Variants in SCN11A observed in about 807,000 individuals in gnomAD.
The protein encoded by SCN11A is sodium voltage-gated channel alpha subunit 11, also known as sodium channel protein type 11 subunit alpha.
SCN11A carries 122 observed loss-of-function variants against 162.2 expected under a neutral mutation model. The observed-to-expected ratio is 0.75, with a 90% CI of 0.65 to 0.87. The LOEUF (loss-of-function observed/expected upper bound fraction) is 0.87. Among genes scored for constraint, SCN11A ranks in the 40% least tolerant of loss-of-function variants. The pLI is 0.00. For missense variants in SCN11A, 2,015 were observed against 2,181.6 expected, an observed-to-expected ratio of 0.92 and a Z score of 1.52; for synonymous variants, 758 against 751.5, an observed-to-expected ratio of 1.01 and a Z score of -0.14.
At chr3:38,895,022 T>A in intron 18 of SCN11A, 58 bp from the exon 19 acceptor site, 1 of 1,488,814 alleles carries the variant, frequency 6.7e-7, no homozygotes, top group Non-Finnish European at 9.0e-7. Context: ...AAAGATATAG[T>A]GGGTTTCCAG....
intron 1 of SCN11A, among the ~76,000 whole-genome samples, chr3:39,048,152 T>C (rs970085609): frequency 6.6e-6 from 1 of 152,224 alleles, no homozygotes; most frequent in Non-Finnish European, 1.5e-5. Flanking sequence ...AAAGAAAATG[T>C]GGTACATATA....
intron 2 of SCN11A, among the ~76,000 whole-genome samples, chr3:38,973,803 G>A (rs1238496945): frequency 6.6e-6 from 1 of 152,100 alleles, no homozygotes; most frequent in African/African-American, 2.4e-5. Flanking sequence ...GAAAGCCTGG[G>A]GACCATCTAA....
At chr3:39,004,346 T>C (rs2030905171) in intron 2 of SCN11A, among the ~76,000 whole-genome samples, 2 of 152,178 alleles carry the variant, frequency 1.3e-5, no homozygotes. Flanking sequence ...TGCGGCCTTA[T>C]TTCTGGGCTC....
intron 29 of SCN11A, among the ~76,000 whole-genome samples, chr3:38,848,744 C>T (rs761834591): frequency 9.2e-5 from 14 of 152,184 alleles, no homozygotes; most frequent in Non-Finnish European, 1.5e-4. Flanking sequence ...TTCTGCTTTG[C>T]ACCATGTGAT....
chr3:39,044,285 A>T (rs914112038), intron 1 of SCN11A, among the ~76,000 whole-genome samples: 14 of 152,210 alleles, frequency 9.2e-5, no homozygotes, highest in African/African-American at 3.4e-4. Flanking sequence ...ATCAACCAAG[A>T]AACATCAGAT....
chr3:38,987,271 A>T (rs2030280662), intron 2 of SCN11A, among the ~76,000 whole-genome samples: 1 of 137,178 alleles, frequency 7.3e-6, no homozygotes, highest in African/African-American at 2.8e-5. Context: ...TCTCCCTCCC[A>T]GTGCCTTTCT....
At chr3:38,930,054 C>T (rs72855732) in intron 7 of SCN11A, among the ~76,000 whole-genome samples, 2,705 of 152,162 alleles carry the variant, frequency 0.018, 77 homozygotes, top group African/African-American at 0.06. Context: ...AAAAAAATCT[C>T]GTATCTTTTG....
At chr3:38,849,257 CTTTTTTTTTT>C (rs55781629) in intron 29 of SCN11A, 167 of 69,858 alleles carry the variant, frequency 2.4e-3, no homozygotes, top group Non-Finnish European at 2.4e-3. Context: ...TTTTCTAGCC[CTTTTTTTTTT>C]TTTTTTTTTT....
At chr3:38,912,695 T>C (rs1559527465) in intron 11 of SCN11A, among the ~76,000 whole-genome samples, 1 of 152,208 alleles carries the variant, frequency 6.6e-6, no homozygotes, top group Non-Finnish European at 1.5e-5. Context: ...GTTCTCATCA[T>C]TTAACTCCCA....
At position 38,848,925 on chromosome 3, in the gene SCN11A, T is replaced by TG. The variant is rs761788134; in HGVS notation, c.4328-1184dup. Among the ~76,000 whole-genome samples the TG allele has an allele frequency of 9.2e-5, 14 of 152,326 alleles. No individual in the cohort carries two copies. The South Asian group carries it at 2.5e-3, about 27-fold the overall frequency. On this transcript the variant is annotated intron_variant, in intron 29 of 29. Coordinates refer to ENST00000302328, the MANE Select transcript of SCN11A (RefSeq NM_001349253.2). ...TGGAAAAGTACTGAGGCTAAAGCGT[T>TG]GGACGGCAGAAATATTGGCAAAGGC...
intron 11 of SCN11A, among the ~76,000 whole-genome samples, chr3:38,918,973 C>T (rs1478604092): frequency 2.6e-5 from 4 of 152,086 alleles, no homozygotes; most frequent in Admixed American, 6.6e-5. Flanking sequence ...GCCTACTACA[C>T]ACCTAGACTA....
At chr3:38,866,929 G>C (rs890923950) in intron 27 of SCN11A, among the ~76,000 whole-genome samples, 5 of 152,178 alleles carry the variant, frequency 3.3e-5, no homozygotes, top group African/African-American at 1.2e-4. Flanking sequence ...AGGAAAAGGA[G>C]AGTATATTAG....
chr3:38,872,821 G>A (rs1559499147), intron 23 of SCN11A, among the ~76,000 whole-genome samples: 2 of 152,014 alleles, frequency 1.3e-5, no homozygotes, highest in Admixed American at 6.6e-5. Context: ...GAAAAAAAGA[G>A]AGAAAAAAAT....
At chr3:38,858,465 C>T (rs1210500068) in intron 28 of SCN11A, among the ~76,000 whole-genome samples, 2 of 152,060 alleles carry the variant, frequency 1.3e-5, no homozygotes, top group African/African-American at 4.8e-5. Context: ...AACAGGAAAA[C>T]ATCACAGTCC....
chr3:38,906,075 T>C (rs537860512), intron 14 of SCN11A, among the ~76,000 whole-genome samples: 1 of 152,292 alleles, frequency 6.6e-6, no homozygotes, highest in Admixed American at 6.5e-5. Flanking sequence ...TCTCTCCCTA[T>C]TACTACAGCA....
Position 38,908,033 on chromosome 3 carries a change from A to T in SCN11A, c.1389T>A (p.Asn463Lys), listed in dbSNP as rs745401683. 3.1e-6 allele frequency: 5 copies of T among 1,613,556 alleles called. No individual in the cohort carries two copies. The African/African-American group carries it at 6.7e-5, about 22-fold the overall frequency. The change falls in exon 14 of 30, where the codon AAT becomes AAA. Residue 463 changes from asparagine (N) to lysine (K), a missense_variant. Asn to Lys is a moderately conservative substitution (Grantham distance 94). Transcript: ENST00000302328. ...FTPKKRKLFG[N>K]KKRKSFFLRE... Reference sequence around the variant, plus strand: ...TCAAAAAGAAGGACTTCCTTTTCTTATTACCAAAGAGCTTTCTCTTTTTTG... The same window carrying T: ...TCAAAAAGAAGGACTTCCTTTTCTTTTTACCAAAGAGCTTTCTCTTTTTTG...
At chr3:38,880,232 C>T (rs1009514210) in intron 22 of SCN11A, 109 bp from the exon 23 acceptor site, 11 of 710,494 alleles carry the variant, frequency 1.5e-5, no homozygotes, top group Non-Finnish European at 2.5e-5. Flanking sequence ...TGGTATCTCT[C>T]TTCGTAATGA....
intron 23 of SCN11A, 85 bp from the exon 24 acceptor site, chr3:38,872,379 C>A (rs1248487516): frequency 1.3e-6 from 1 of 761,276 alleles, no homozygotes; most frequent in Admixed American, 1.8e-5. Context: ...ACCAAAGCTA[C>A]AGTCCATAAA....
At chr3:38,945,256 T>C (rs988109852) in intron 7 of SCN11A, among the ~76,000 whole-genome samples, 155 bp downstream of exon 7, 1 of 152,202 alleles carries the variant, frequency 6.6e-6, no homozygotes, top group Non-Finnish European at 1.5e-5. Context: ...TCATTACAAA[T>C]TGTAAAAAAA....
Sources: allele counts gnomAD v4.1 joint callset (sites outside exome capture counted in the v4.1 genomes callset), GRCh38; gene constraint gnomAD v4.1.1; transcripts MANE v1.5; gene names NCBI Gene and HGNC (gene_info 2026-07-23, HGNC 2026-07-21).